Variants in CES1 observed in about 807,000 individuals in gnomAD.
CES1 encodes the protein carboxylesterase 1.
A neutral mutation model predicts 53.0 loss-of-function variants in CES1; 50 were observed. That is an observed-to-expected ratio of 0.94 (90% CI 0.75 to 1.19). The LOEUF is 1.19. CES1 is among the 50% of genes most tolerant of loss of function. The probability of loss-of-function intolerance (pLI) is 0.00; values close to 1 mark genes in which losing one functional copy is unlikely to be tolerated. For synonymous variants in CES1, 202 were observed against 210.1 expected, an observed-to-expected ratio of 0.96 and a Z score of 0.33; for missense variants, 534 against 538.0, an observed-to-expected ratio of 0.99 and a Z score of 0.07.
At chr16:55,832,781 C>T (rs1487533512) in intron 1 of CES1, among the ~76,000 whole-genome samples, 1 of 152,228 alleles carries the variant, frequency 6.6e-6, no homozygotes, top group Non-Finnish European at 1.5e-5. Flanking sequence ...TGCATTTGGG[C>T]GAGCAGTACA....
chr16:55,828,280 G>C (rs191013841), intron 2 of CES1: 1 of 249,166 alleles, frequency 4.0e-6, no homozygotes, highest in African/African-American at 2.3e-5. Flanking sequence ...AGCACTTGCC[G>C]AGTGGACACC....
chr16:55,829,064 C>T, intron 1 of CES1, 90 bp from the exon 2 acceptor site: 2 of 1,393,910 alleles, frequency 1.4e-6, no homozygotes, highest in Admixed American at 2.0e-5. Flanking sequence ...AGTGAGTGAC[C>T]TTAAATAAGT....
intron 4 of CES1, 29 bp from the exon 5 acceptor site, chr16:55,821,550 G>C (rs1240925557): frequency 1.2e-6 from 2 of 1,613,832 alleles, no homozygotes; most frequent in Admixed American, 1.7e-5. Context: ...GTTGAGGGTG[G>C]GGAGCAGAGA....
chr16:55,813,163 C>T (rs1210428702), intron 8 of CES1, 120 bp from the exon 9 acceptor site: 44 of 1,387,074 alleles, frequency 3.2e-5, no homozygotes, highest in Non-Finnish European at 4.1e-5. Flanking sequence ...GCCATGGCTG[C>T]ACATGCTCAG....
At position 55,823,591 on chromosome 16, in the gene CES1, C is replaced by A. The variant is rs1447333857; in HGVS notation, c.498G>T (p.Val166=). ...TGCCCAGGCGATATTGAATGGTCAC[C>A]ACCACCACGTTTTCATGGGCAGCAA... ...LALAAHENVV[V]VTIQYRLGIW... The change falls in exon 4 of 14, where the codon GTG becomes GTT. Residue 166 remains valine (V), a synonymous_variant. Coordinates refer to ENST00000360526, the MANE Select transcript of CES1 (RefSeq NM_001025195.2). 6.2e-7 allele frequency: 1 copy of A among 1,613,856 alleles called. No homozygotes were observed. Among genetic ancestry groups the A allele is most frequent in the Non-Finnish European group, 8.5e-7 (1 of 1,179,892 alleles).
At chr16:55,829,514 G>A (rs1450452130) in intron 1 of CES1, among the ~76,000 whole-genome samples, 21 of 152,310 alleles carry the variant, frequency 1.4e-4, no homozygotes, top group Admixed American at 7.9e-4. Flanking sequence ...CTTGCGGCAG[G>A]GGAGGACTGA....
At chr16:55,814,128 G>C (rs2031828881) in intron 8 of CES1, among the ~76,000 whole-genome samples, 1 of 152,196 alleles carries the variant, frequency 6.6e-6, no homozygotes, top group African/African-American at 2.4e-5. Context: ...GGGTGGCTTT[G>C]AGGAGGTACC....
chr16:55,832,271 C>T (rs2032713317), intron 1 of CES1, among the ~76,000 whole-genome samples: 1 of 152,178 alleles, frequency 6.6e-6, no homozygotes, highest in African/African-American at 2.4e-5. Context: ...CTGCTGCTTC[C>T]CCTTGTGCCC....
chr16:55,810,723 C>T (rs2031652340), intron 10 of CES1, 59 bp from the exon 11 acceptor site: 2 of 1,597,414 alleles, frequency 1.3e-6, no homozygotes, highest in Admixed American at 1.7e-5. Flanking sequence ...TTCTCCAGCC[C>T]ACCAGAAAGT....
chr16:55,821,143 G>A (rs1470554741), intron 5 of CES1, among the ~76,000 whole-genome samples: 1 of 152,074 alleles, frequency 6.6e-6, no homozygotes, highest in Non-Finnish European at 1.5e-5. Flanking sequence ...GCTGCAACTG[G>A]AGATTCATAT....
rs1555514148 is a variant in CES1 at position 55,830,803 on chromosome 16, A to AAGGAAGGAAGGAAGGAAGGAAGGG, written c.53-1830_53-1829insCCCTTCCTTCCTTCCTTCCTTCCT. 1.4e-3 allele frequency among the ~76,000 whole-genome samples: 204 copies of AAGGAAGGAAGGAAGGAAGGAAGGG among 145,480 alleles called. 4 individuals are homozygous for AAGGAAGGAAGGAAGGAAGGAAGGG. The highest frequency in any genetic ancestry group is 5.2e-3 in the African/African-American group (198 of 38,214). ...GAAGGAAGGAAGGAAGGAAGGAAGG[A>AAGGAAGGAAGGAAGGAAGGAAGGG]AGGAAGGAAGGAAGGAAGGCAGGCA... On this transcript the variant is annotated intron_variant, in intron 1 of 13. Coordinates refer to ENST00000360526, the MANE Select transcript of CES1 (RefSeq NM_001025195.2).
chr16:55,816,029 C>A (rs774531684), intron 8 of CES1, among the ~76,000 whole-genome samples: 1 of 151,654 alleles, frequency 6.6e-6, no homozygotes, highest in East Asian at 1.9e-4. Flanking sequence ...CTGGAATAGG[C>A]TTCTCCAGGT....
rs780109951 is a variant in CES1, at chr16:55,810,937, T to C, written c.1160A>G (p.Tyr387Cys). ...KTAMSLLWKS[Y>C]PLVCIAKELI... is the part of the protein sequence containing the mutation. ...TTCCTAGACTCTTACAACAAGGGGA[T>C]AGGACTTCCACAGGAGTGACATGGC... The change falls in exon 10 of 14, where the codon TAT (tyrosine) becomes TGT (cysteine). Residue 387 changes from tyrosine (Y) to cysteine (C), a missense_variant. Tyr to Cys is a radical substitution (Grantham distance 194). Coordinates refer to ENST00000360526, the MANE Select transcript of CES1 (RefSeq NM_001025195.2). The C allele has an allele frequency of 6.2e-6, 10 of 1,613,456 alleles. No individual in the cohort carries two copies. The highest frequency in any genetic ancestry group is 1.7e-5 in the Admixed American group (1 of 60,004).
intron 8 of CES1, among the ~76,000 whole-genome samples, chr16:55,813,448 A>T (rs2031795057): frequency 6.6e-6 from 1 of 151,866 alleles, no homozygotes; most frequent in Admixed American, 6.5e-5. Flanking sequence ...CTCAAGGGGG[A>T]AATACTGGGT....
In CES1 at chr16:55,823,570, C is replaced by T. The variant is rs750664421; in HGVS notation, c.519G>A (p.Leu173=). ...CTTACCTGAAGAATCCCCAGATGCC[C>T]AGGCGATATTGAATGGTCACCACCA... The part of the protein sequence containing the change: ...NVVVVTIQYR[L]GIWGFFSTGD... The change falls in exon 4 of 14, where the codon CTG becomes CTA. Residue 173 remains leucine (L), a synonymous_variant. Coordinates refer to ENST00000360526, the MANE Select transcript of CES1 (RefSeq NM_001025195.2). 1.1e-5 allele frequency: 17 copies of T among 1,613,540 alleles called. No homozygotes were observed. In the African/African-American group the frequency reaches 1.9e-4, roughly 18 times the overall value.
chr16:55,821,814 G>T (rs2032210991), intron 4 of CES1, among the ~76,000 whole-genome samples: 1 of 152,140 alleles, frequency 6.6e-6, no homozygotes, highest in Admixed American at 6.5e-5. Context: ...TCCCACTACA[G>T]ATCACAAGCA....
chr16:55,813,171 C>T (rs1471043024), intron 8 of CES1, 128 bp from the exon 9 acceptor site: 1 of 1,318,390 alleles, frequency 7.6e-7, no homozygotes, highest in African/African-American at 1.5e-5. Context: ...TGCACATGCT[C>T]AGGATCCTAA....
chr16:55,826,494 C>A (rs1237358216), intron 2 of CES1, among the ~76,000 whole-genome samples, 199 bp from the exon 3 acceptor site: 2 of 152,178 alleles, frequency 1.3e-5, no homozygotes, highest in African/African-American at 4.8e-5. Flanking sequence ...TAAGACCAAG[C>A]AGAGTGAGAA....
intron 11 of CES1, among the ~76,000 whole-genome samples, chr16:55,808,782 A>C (rs1274630377): frequency 8.5e-5 from 13 of 152,260 alleles, no homozygotes; most frequent in Non-Finnish European, 1.5e-4. Flanking sequence ...TGGAATAAGG[A>C]ATGCTTTGAT....
Sources: gnomAD v4.1 joint callset for allele counts (sites outside exome capture counted in the v4.1 genomes callset) on GRCh38, gnomAD v4.1.1 for gene constraint, MANE v1.5 for transcripts, NCBI Gene and HGNC (gene_info 2026-07-23, HGNC 2026-07-21) for gene names.